The following RAD51C variants were observed in gnomAD, a reference collection of about 807,000 sequenced individuals.
The protein encoded by RAD51C is DNA repair protein RAD51 homolog 3.
Under a neutral mutation model 45.0 loss-of-function variants are expected in RAD51C, and 42 were observed. The ratio of observed to expected loss-of-function variants is 0.93; its 90% CI spans 0.73 to 1.21. The LOEUF (loss-of-function observed/expected upper bound fraction) is 1.21. Ranked by LOEUF, RAD51C falls within the 50% of genes most tolerant of loss-of-function variation. The pLI, the probability that RAD51C is intolerant of heterozygous loss-of-function variation, is 0.00. For missense variants in RAD51C, 474 were observed against 452.2 expected (o/e 1.05, Z -0.44); for synonymous variants, 172 against 159.8 (o/e 1.08, Z -0.58).
intron 7 of RAD51C, among the ~76,000 whole-genome samples, chr17:58,727,221 G>A (rs1038085691): frequency 2.0e-5 from 3 of 150,042 alleles, no homozygotes; most frequent in African/African-American, 7.4e-5. Context: ...ACTTCCTGGG[G>A]TCAAGTGATT....
At chr17:58,695,772 CA>C (rs111840652) in intron 2 of RAD51C, among the ~76,000 whole-genome samples, 1,380 of 132,746 alleles carry the variant, frequency 0.01, 25 homozygotes, top group African/African-American at 0.035. Context: ...GACCCTATCT[CA>C]AAAAAAAAAG....
chr17:58,721,867 G>A (rs143018180), intron 6 of RAD51C, among the ~76,000 whole-genome samples: 1 of 152,090 alleles, frequency 6.6e-6, no homozygotes, highest in Admixed American at 6.6e-5. Context: ...ACAGGGTACT[G>A]TACAAAGGAC....
At chr17:58,716,382 G>C (rs895040961) in intron 5 of RAD51C, among the ~76,000 whole-genome samples, 2 of 152,128 alleles carry the variant, frequency 1.3e-5, no homozygotes, top group Non-Finnish European at 2.9e-5. Flanking sequence ...GTACAGTCTA[G>C]TACAGTAGCT....
intron 6 of RAD51C, among the ~76,000 whole-genome samples, chr17:58,721,365 G>T (rs190932339): frequency 6.6e-6 from 1 of 152,334 alleles, no homozygotes; most frequent in African/African-American, 2.4e-5. Context: ...AGAAGGAAAG[G>T]TGAATCCACT....
intron 4 of RAD51C, among the ~76,000 whole-genome samples, chr17:58,704,611 G>A (rs2048320014): frequency 2.6e-5 from 4 of 151,994 alleles, no homozygotes; most frequent in Admixed American, 2.6e-4. Context: ...CCTTCACCTT[G>A]CTCTTGGTTG....
chr17:58,732,328 G>A (rs946921097), intron 7 of RAD51C, 156 bp from the exon 8 acceptor site: 6 of 654,790 alleles, frequency 9.2e-6, no homozygotes, highest in Non-Finnish European at 1.6e-5. Context: ...TTTGAAGGGT[G>A]TATTTTTAAT....
chr17:58,701,247 G>A (rs1368892310), intron 3 of RAD51C, among the ~76,000 whole-genome samples: 8 of 78 alleles, frequency 0.1, no homozygotes, highest in African/African-American at 0.25. Context: ...GTGACTCACT[G>A]CCTGTAATCC....
chr17:58,697,907 T>C (rs1284267776), intron 3 of RAD51C, among the ~76,000 whole-genome samples: 1 of 151,866 alleles, frequency 6.6e-6, no homozygotes, highest in African/African-American at 2.4e-5. Flanking sequence ...AGACAGGGTT[T>C]CTCCATGTTG....
intron 5 of RAD51C, among the ~76,000 whole-genome samples, chr17:58,716,352 T>C (rs1225132051): frequency 6.6e-6 from 1 of 152,120 alleles, no homozygotes. Context: ...GTCCAGTAGA[T>C]CTGATGGAAA....
At chr17:58,730,585 T>C (rs2049382072) in intron 7 of RAD51C, among the ~76,000 whole-genome samples, 1 of 152,196 alleles carries the variant, frequency 6.6e-6, no homozygotes, top group African/African-American at 2.4e-5. Context: ...GGTCTGTGTT[T>C]TTCTTTTGAA....
Position 58,726,414 on chromosome 17 carries a change from G to GTGT in RAD51C, c.965+2314_965+2315insTGT, listed in dbSNP as rs2049129192. Among the ~76,000 whole-genome samples, 8 of 116,614 alleles carry GTGT rather than the reference G, an allele frequency of 6.9e-5. No individual in the cohort carries two copies. The Admixed American group carries it at 7.5e-4, about 11-fold the overall frequency. 76.5% of individuals were successfully genotyped at this position (116,614 alleles called of 152,430 possible). ...GTATGTATATATGTGTATATATATA[G>GTGT]ATTATATGTATATATGTGTATACGT... On this transcript the variant is annotated intron_variant, in intron 7 of 8. Transcript: ENST00000337432.
At chr17:58,717,078 C>A (rs978778911) in intron 5 of RAD51C, among the ~76,000 whole-genome samples, 4 of 151,286 alleles carry the variant, frequency 2.6e-5, no homozygotes, top group Admixed American at 2.6e-4. Flanking sequence ...GGATTACAGT[C>A]GTGAGCCACC....
chr17:58,692,626 T>G lies in RAD51C; in HGVS notation c.-18T>G, dbSNP rs1274629791. ...CGTGCGGAGTTTGGCTGCTCCGGGG[T>G]TAGCAGGTGAGCCTGCGATGCGCGG... On this transcript the variant is annotated 5_prime_UTR_variant, in exon 1 of 9. Transcript: ENST00000337432. 3 of 1,613,468 alleles carry G rather than the reference T, an allele frequency of 1.9e-6. No homozygotes were observed. The African/African-American group carries it at 4.0e-5, about 22-fold the overall frequency.
chr17:58,700,120 G>T (rs2048160689), intron 3 of RAD51C: 1 of 152,222 alleles, frequency 6.6e-6, no homozygotes, highest in African/African-American at 2.4e-5. Flanking sequence ...GCTTCCCTAA[G>T]TGCTGGGATT....
chr17:58,728,244 CAA>C (rs879559136), intron 7 of RAD51C, among the ~76,000 whole-genome samples: 1 of 124,022 alleles, frequency 8.1e-6, no homozygotes, highest in Non-Finnish European at 1.7e-5. Context: ...GACTCTGTCT[CAA>C]AAAAAAAAAA....
chr17:58,711,148 C>T (rs1169411435), intron 5 of RAD51C, among the ~76,000 whole-genome samples: 1 of 152,048 alleles, frequency 6.6e-6, no homozygotes, highest in Admixed American at 6.6e-5. Flanking sequence ...CAGTGAAGAG[C>T]CTCCAGTAGG....
At chr17:58,710,932 C>A (rs28363312) in intron 5 of RAD51C, among the ~76,000 whole-genome samples, 22,043 of 152,026 alleles carry the variant, frequency 0.14, 2,464 homozygotes, top group East Asian at 0.31. Flanking sequence ...AACTTGATTT[C>A]TTTGTCTTTA....
At chr17:58,728,330 A>G (rs767220046) in intron 7 of RAD51C, among the ~76,000 whole-genome samples, 20 of 152,128 alleles carry the variant, frequency 1.3e-4, no homozygotes, top group East Asian at 9.6e-4. Flanking sequence ...ATAGAAATTC[A>G]TATCAGGGAA....
intron 5 of RAD51C, among the ~76,000 whole-genome samples, chr17:58,717,034 C>G (rs1033996321): frequency 1.3e-4 from 20 of 151,838 alleles, no homozygotes; most frequent in Admixed American, 8.5e-4. Flanking sequence ...GCTCTGACCT[C>G]GTGATCCGCC....
Sources: gnomAD v4.1 joint callset for allele counts (sites outside exome capture counted in the v4.1 genomes callset) on GRCh38, gnomAD v4.1.1 for gene constraint, MANE v1.5 for transcripts, NCBI Gene and HGNC (gene_info 2026-07-23, HGNC 2026-07-21) for gene names.